DCDC2: variants seen among roughly 807,000 people sequenced by gnomAD.
The protein encoded by DCDC2 is doublecortin domain-containing protein 2.
DCDC2 carries 40 observed loss-of-function variants against 50.2 expected under a neutral mutation model. The ratio of observed to expected loss-of-function variants is 0.80; its 90% CI spans 0.62 to 1.04. The LOEUF (loss-of-function observed/expected upper bound fraction) is 1.04. DCDC2 is among the 50% of genes least tolerant of loss of function. The pLI, the probability that DCDC2 is intolerant of heterozygous loss-of-function variation, is 0.00. For missense variants in DCDC2, 570 were observed against 581.9 expected (o/e 0.98, Z 0.21); for synonymous variants, 234 against 210.6 (o/e 1.11, Z -0.96).
chr6:24,253,967 GCACAAA>G (rs1415641791), intron 7 of DCDC2, among the ~76,000 whole-genome samples: 1 of 152,014 alleles, frequency 6.6e-6, no homozygotes. Flanking sequence ...TCATAACAAA[GCACAAA>G]CACATTGTAC....
intron 7 of DCDC2, among the ~76,000 whole-genome samples, chr6:24,219,367 G>C (rs960278175): frequency 1.3e-5 from 2 of 152,128 alleles, no homozygotes; most frequent in East Asian, 3.8e-4. Flanking sequence ...ACAACTTTAT[G>C]AACTACTAGA....
chr6:24,329,246 C>CT (rs1048233841), intron 2 of DCDC2, among the ~76,000 whole-genome samples: 24 of 152,200 alleles, frequency 1.6e-4, no homozygotes, highest in African/African-American at 5.1e-4. Flanking sequence ...GGTATGCACA[C>CT]AAAAAAATAG....
intron 2 of DCDC2, among the ~76,000 whole-genome samples, chr6:24,314,619 C>T (rs746301921): frequency 1.3e-5 from 2 of 151,944 alleles, no homozygotes; most frequent in Admixed American, 6.6e-5. Flanking sequence ...CAATGGAATC[C>T]GATATAGGAA....
At chr6:24,374,769 T>A in the DCDC2 span, among the ~76,000 whole-genome samples, 2 of 151,882 alleles carry the variant, frequency 1.3e-5, no homozygotes, top group African/African-American at 4.8e-5. Context: ...AAATAGCGGG[T>A]CTCTGACTGA....
chr6:24,377,500 T>C, the DCDC2 span, among the ~76,000 whole-genome samples: 1 of 152,228 alleles, frequency 6.6e-6, no homozygotes, highest in African/African-American at 2.4e-5. Flanking sequence ...AAATTGATTT[T>C]AAATTGCTTC....
intron 2 of DCDC2, 56 bp downstream of exon 2, chr6:24,353,513 T>G: frequency 2.0e-5 from 22 of 1,116,710 alleles, no homozygotes; most frequent in Middle Eastern, 2.0e-4. Context: ...AGACACACCA[T>G]AAGAAACAAA....
intron 7 of DCDC2, among the ~76,000 whole-genome samples, chr6:24,225,023 A>C (rs1352593112): frequency 6.6e-6 from 1 of 152,170 alleles, no homozygotes; most frequent in African/African-American, 2.4e-5. Flanking sequence ...GGTGCTTTAG[A>C]AATACTCCTC....
intron 2 of DCDC2, among the ~76,000 whole-genome samples, chr6:24,320,203 G>A (rs4269365): frequency 0.8 from 122,104 of 152,190 alleles, 49,295 homozygotes; most frequent in Non-Finnish European, 0.84. Context: ...TGAGAGTAGG[G>A]TTTCCTACTA....
chr6:24,242,683 T>C (rs998288683), intron 7 of DCDC2, among the ~76,000 whole-genome samples: 2 of 152,126 alleles, frequency 1.3e-5, no homozygotes, highest in Non-Finnish European at 2.9e-5. Flanking sequence ...GAAAGATGGT[T>C]GGGCATGGTG....
At chr6:24,294,200 T>C (rs2113833094) in intron 4 of DCDC2, among the ~76,000 whole-genome samples, 1 of 151,822 alleles carries the variant, frequency 6.6e-6, no homozygotes, top group African/African-American at 2.4e-5. Context: ...CTACAAAAAA[T>C]ACAAAAAAAT....
At chr6:24,248,074 C>T (rs1459931545) in intron 7 of DCDC2, among the ~76,000 whole-genome samples, 1 of 152,092 alleles carries the variant, frequency 6.6e-6, no homozygotes, top group Non-Finnish European at 1.5e-5. Context: ...AAAACTCCAT[C>T]TCAAAAATAT....
At chr6:24,279,285 T>C (rs1029031315) in intron 6 of DCDC2, among the ~76,000 whole-genome samples, 1 of 151,716 alleles carries the variant, frequency 6.6e-6, no homozygotes, top group African/African-American at 2.4e-5. Flanking sequence ...GGGAGGATCA[T>C]TTGAGGTCAG....
intron 2 of DCDC2, among the ~76,000 whole-genome samples, chr6:24,330,347 G>A (rs974846955): frequency 6.6e-6 from 1 of 152,226 alleles, no homozygotes; most frequent in East Asian, 1.9e-4. Context: ...TCTAAAACCT[G>A]CCCTATGTAT....
At chr6:24,280,032 G>A (rs1763437795) in intron 6 of DCDC2, among the ~76,000 whole-genome samples, 1 of 152,176 alleles carries the variant, frequency 6.6e-6, no homozygotes, top group Middle Eastern at 3.2e-3. Flanking sequence ...TACTATGCTT[G>A]TGTCTGAAAG....
chr6:24,227,343 T>C (rs995354901), intron 7 of DCDC2, among the ~76,000 whole-genome samples: 3 of 152,156 alleles, frequency 2.0e-5, no homozygotes, highest in African/African-American at 7.2e-5. Flanking sequence ...GGCCCTTCTA[T>C]GTGGTCTGTA....
At chr6:24,232,332 A>T (rs1006768963) in intron 7 of DCDC2, among the ~76,000 whole-genome samples, 3 of 152,168 alleles carry the variant, frequency 2.0e-5, no homozygotes, top group Non-Finnish European at 2.9e-5. Context: ...TCCCCTACAA[A>T]CAGAAGGACA....
At chr6:24,254,174 G>C (rs989889931) in intron 7 of DCDC2, among the ~76,000 whole-genome samples, 3 of 152,140 alleles carry the variant, frequency 2.0e-5, no homozygotes, top group Admixed American at 6.5e-5. Context: ...TGCAACTGGA[G>C]CTATCATCTC....
the DCDC2 span, among the ~76,000 whole-genome samples, chr6:24,382,013 C>CGGAAGGA: frequency 1.1e-5 from 1 of 92,902 alleles, no homozygotes; most frequent in African/African-American, 5.7e-5. Flanking sequence ...GGAAGGAAGG[C>CGGAAGGA]AGGCAAGCTA....
intron 2 of DCDC2, among the ~76,000 whole-genome samples, chr6:24,328,550 C>T (rs1238456214): frequency 6.6e-6 from 1 of 152,152 alleles, no homozygotes; most frequent in Non-Finnish European, 1.5e-5. Context: ...AAACCCACGC[C>T]CATGGCCAAT....
Sources: gnomAD v4.1 joint callset for allele counts (sites outside exome capture counted in the v4.1 genomes callset) on GRCh38, gnomAD v4.1.1 for gene constraint, MANE v1.5 for transcripts, NCBI Gene and HGNC (gene_info 2026-07-23, HGNC 2026-07-21) for gene names.